CLNK: variants seen among roughly 807,000 people sequenced by gnomAD.
CLNK encodes cytokine dependent hematopoietic cell linker, also known as cytokine-dependent hematopoietic cell linker.
In CLNK, 74 loss-of-function variants were observed where a neutral mutation model predicts 68.6. That is an observed-to-expected ratio of 1.08 (90% CI 0.89 to 1.31). The LOEUF is 1.31. Ranked by LOEUF, CLNK falls within the 50% of genes most tolerant of loss-of-function variation. The pLI is 0.00. For missense variants in CLNK, 553 were observed against 515.3 expected (o/e 1.07, Z -0.71); for synonymous variants, 198 against 172.2 (o/e 1.15, Z -1.17).
In CLNK at chr4:10,487,784, G is replaced by T. The variant is rs1030217596; in HGVS notation, c.*2683C>A. 1.3e-5 allele frequency: 2 copies of T among 152,172 alleles called. No individual in the cohort carries two copies. Among genetic ancestry groups the T allele is most frequent in the Admixed American group, 6.6e-5 (1 of 15,264 alleles). 9.4% of individuals were successfully genotyped at this position (152,172 alleles called of 1,614,324 possible). On this transcript the variant is annotated 3_prime_UTR_variant, in exon 19 of 19. Transcript: ENST00000226951. The stretch of plus-strand genomic sequence containing the variant: ...ATGAGCTGGCCAAAACTCTCCCAGA[G>T]CTGTGTCTGAATCTCATGCTTTTTC...
intron 3 of CLNK, among the ~76,000 whole-genome samples, chr4:10,594,156 T>G (rs1439668033): frequency 2.0e-5 from 3 of 152,158 alleles, no homozygotes; most frequent in African/African-American, 7.2e-5. Context: ...TCCAGGACTA[T>G]GTCTCGTTCA....
chr4:10,638,182 CAG>C (rs1723169876), intron 2 of CLNK, among the ~76,000 whole-genome samples: 1 of 152,184 alleles, frequency 6.6e-6, no homozygotes, highest in Non-Finnish European at 1.5e-5. Context: ...ACACCGACTG[CAG>C]AGAGACATTT....
At chr4:10,586,336 CTTTTTTTTTTTTT>C (rs5856064) in intron 3 of CLNK, among the ~76,000 whole-genome samples, 1 of 89,268 alleles carries the variant, frequency 1.1e-5, no homozygotes, top group South Asian at 4.1e-4. Flanking sequence ...CTTTTTTTTT[CTTTTTTTTTTTTT>C]TTTTTGAGAC....
chr4:10,627,416 G>T (rs1722717018), intron 2 of CLNK, among the ~76,000 whole-genome samples: 2 of 152,164 alleles, frequency 1.3e-5, no homozygotes, highest in South Asian at 4.1e-4. Context: ...CCTTTAAAAA[G>T]CCATTAGCCA....
intron 4 of CLNK, among the ~76,000 whole-genome samples, chr4:10,582,125 C>T (rs1213474860): frequency 6.6e-6 from 1 of 152,154 alleles, no homozygotes; most frequent in African/African-American, 2.4e-5. Context: ...GAAATCCTGG[C>T]TTGTCCCAGA....
chr4:10,701,631 T>G, the CLNK span, among the ~76,000 whole-genome samples: 3 of 152,094 alleles, frequency 2.0e-5, no homozygotes, highest in African/African-American at 7.2e-5. Flanking sequence ...AAGAAACACT[T>G]AAACAGTGCT....
intron 2 of CLNK, among the ~76,000 whole-genome samples, chr4:10,610,033 G>GTTTT (rs71181047): frequency 5.4e-5 from 4 of 73,450 alleles, no homozygotes; most frequent in African/African-American, 1.9e-4. Context: ...ATGAATGCTC[G>GTTTT]TTTTTTTTTT....
At chr4:10,596,077 G>T (rs559790106) in intron 3 of CLNK, among the ~76,000 whole-genome samples, 1 of 152,292 alleles carries the variant, frequency 6.6e-6, no homozygotes, top group African/African-American at 2.4e-5. Flanking sequence ...CCAGGCTGGA[G>T]GGCAATGTCT....
intron 2 of CLNK, among the ~76,000 whole-genome samples, chr4:10,600,617 C>G (rs1156692028): frequency 6.6e-6 from 1 of 152,202 alleles, no homozygotes; most frequent in Non-Finnish European, 1.5e-5. Flanking sequence ...TCTCCTAGAA[C>G]ACTGGCTAAC....
chr4:10,656,253 C>T (rs747493320), intron 2 of CLNK, among the ~76,000 whole-genome samples: 1 of 132,308 alleles, frequency 7.6e-6, no homozygotes, highest in Non-Finnish European at 1.6e-5. Flanking sequence ...AATAACAACT[C>T]AAGTCACAAA....
chr4:10,634,448 A>G (rs1723005773), intron 2 of CLNK, among the ~76,000 whole-genome samples: 1 of 151,990 alleles, frequency 6.6e-6, no homozygotes, highest in Admixed American at 6.5e-5. Flanking sequence ...AGTTCTCTTT[A>G]TTTCATTTGC....
intron 1 of CLNK, among the ~76,000 whole-genome samples, chr4:10,670,028 C>T (rs1166963513): frequency 1.3e-5 from 2 of 152,138 alleles, no homozygotes; most frequent in African/African-American, 4.8e-5. Flanking sequence ...ATTAACTAGC[C>T]GTGTGGCCTT....
At chr4:10,549,703 G>C (rs958323273) in intron 8 of CLNK, among the ~76,000 whole-genome samples, 3 of 152,122 alleles carry the variant, frequency 2.0e-5, no homozygotes, top group Non-Finnish European at 4.4e-5. Flanking sequence ...AGGGAAAACG[G>C]GAATTTACCT....
At chr4:10,692,488 T>G in the CLNK span, among the ~76,000 whole-genome samples, 1 of 152,196 alleles carries the variant, frequency 6.6e-6, no homozygotes, top group Non-Finnish European at 1.5e-5. Context: ...GACTGGGGTT[T>G]TGAGTGGCAA....
intron 5 of CLNK, among the ~76,000 whole-genome samples, chr4:10,570,526 A>G (rs1037444068): frequency 1.3e-5 from 2 of 152,196 alleles, no homozygotes; most frequent in African/African-American, 2.4e-5. Flanking sequence ...TTCTTTACCC[A>G]TGAACCTTTT....
At chr4:10,490,822 TGCCACAATCTCG>T (rs924983823) in intron 18 of CLNK, among the ~76,000 whole-genome samples, 37 of 152,328 alleles carry the variant, frequency 2.4e-4, no homozygotes, top group African/African-American at 7.5e-4. Context: ...TGGAATGCAG[TGCCACAATCTCG>T]GCTCACTGCA....
chr4:10,688,918 A>C (rs1433083436), upstream of CLNK, among the ~76,000 whole-genome samples: 2 of 152,150 alleles, frequency 1.3e-5, no homozygotes, highest in South Asian at 2.1e-4. Flanking sequence ...ATAGTACAGA[A>C]GAGTCCTATG....
chr4:10,615,205 C>A (rs1326028303), intron 2 of CLNK, among the ~76,000 whole-genome samples: 1 of 150,138 alleles, frequency 6.7e-6, no homozygotes, highest in East Asian at 2.0e-4. Flanking sequence ...AGAGGCTGGG[C>A]GCGGTGGCTT....
the CLNK span, among the ~76,000 whole-genome samples, chr4:10,696,427 A>C: frequency 6.6e-6 from 1 of 152,090 alleles, no homozygotes; most frequent in Admixed American, 6.5e-5. Context: ...GAGCAACCCA[A>C]TTGCTGCTAA....
Sources: gnomAD v4.1 joint callset for allele counts (sites outside exome capture counted in the v4.1 genomes callset) on GRCh38, gnomAD v4.1.1 for gene constraint, MANE v1.5 for transcripts, NCBI Gene and HGNC (gene_info 2026-07-23, HGNC 2026-07-21) for gene names.